Variants in WDR3 observed in about 807,000 individuals in gnomAD.
WDR3 encodes WD repeat-containing protein 3.
WDR3 carries 81 observed loss-of-function variants against 123.7 expected under a neutral mutation model. That is an observed-to-expected ratio of 0.65 (90% CI 0.55 to 0.79). The LOEUF is 0.79. WDR3 is among the 30% of genes least tolerant of loss of function. The probability of loss-of-function intolerance (pLI) is 0.00; values close to 1 mark genes in which losing one functional copy is unlikely to be tolerated. For missense variants in WDR3, 1,027 were observed against 1,123.2 expected, an observed-to-expected ratio of 0.91 and a Z score of 1.22; for synonymous variants, 390 against 388.8, an observed-to-expected ratio of 1.00 and a Z score of -0.04.
chr1:117,933,165 C>T (rs1417948194), intron 1 of WDR3, 123 bp from the exon 2 acceptor site: 4 of 745,208 alleles, frequency 5.4e-6, no homozygotes, highest in South Asian at 2.1e-5. Context: ...GATCCCACCA[C>T]TGCACTCCAG....
rs998187672 is a variant in WDR3, at chr1:117,958,788, G to A, written c.2583-122G>A. 6 of 414,574 alleles carry A rather than the reference G, an allele frequency of 1.4e-5. 1 individual carries two copies. Among genetic ancestry groups the A allele is most frequent in the Admixed American group, 4.6e-5 (1 of 21,584 alleles). The allele number at this position is 414,574 out of a possible 1,614,324, so 25.7% of individuals were successfully genotyped here. A position where few individuals can be genotyped will look rare whatever the true frequency, so the allele number is the denominator to read the frequency against. On this transcript the variant is annotated intron_variant, in intron 25 of 26. Coordinates refer to ENST00000349139, the MANE Select transcript of WDR3 (RefSeq NM_006784.3). ...TTGGCTTTTTTTTTTTTTTTTGCTC[G>A]AAACATTTCTATAATGTATATTTTG...
At chr1:117,943,697 G>C (rs1651266997) in intron 11 of WDR3, 71 bp downstream of exon 11, 2 of 1,385,556 alleles carry the variant, frequency 1.4e-6, no homozygotes, top group East Asian at 4.7e-5. Flanking sequence ...TACTCTTAAG[G>C]GTTAGTTATT....
intron 16 of WDR3, among the ~76,000 whole-genome samples, chr1:117,951,612 T>TAG (rs933739488): frequency 6.6e-6 from 1 of 151,790 alleles, no homozygotes; most frequent in African/African-American, 2.4e-5. Context: ...AACATTCTAG[T>TAG]AGAGTCTTTC....
At chr1:117,939,368 T>C (rs1651061101) in intron 5 of WDR3, 109 bp from the exon 6 acceptor site, 2 of 1,169,012 alleles carry the variant, frequency 1.7e-6, no homozygotes, top group Non-Finnish European at 2.5e-6. Context: ...TTCTTTGCCT[T>C]TAAATTGCTA....
At position 117,946,195 on chromosome 1, in the gene WDR3, T is replaced by C; in HGVS notation, c.1422+16T>C. 1 of 1,583,932 alleles carries C rather than the reference T, an allele frequency of 6.3e-7. No individual in the cohort carries two copies. Among genetic ancestry groups the C allele is most frequent in the South Asian group, 1.2e-5 (1 of 86,834 alleles). On this transcript the variant is annotated intron_variant, in intron 12 of 26. Transcript: ENST00000349139. ...AGGAACAAAGGTAAATGGAGACTTT[T>C]TCTGGGATATCTGGATCTTTTCTAC...
intron 5 of WDR3, 132 bp from the exon 6 acceptor site, chr1:117,939,345 G>C: frequency 1.2e-6 from 1 of 843,846 alleles, no homozygotes; most frequent in South Asian, 1.7e-5. Context: ...TGAAAGGGTT[G>C]TCGATATGCC....
rs748399138 is a variant in WDR3 at position 117,939,580 on chromosome 1, C to T, written c.675+8C>T. On this transcript the variant is annotated splice_region_variant and intron_variant, in intron 6 of 26. Transcript: ENST00000349139. ...ATAGCTTATCTGCAAGAGGTAATTA[C>T]TTCTTAAAATCATGGGCAATATGTT... The T allele has an allele frequency of 3.1e-6, 5 of 1,612,904 alleles. No individual in the cohort carries two copies. The highest frequency in any genetic ancestry group is 2.2e-5 in the South Asian group (2 of 91,058).
rs1177704818 is a variant in WDR3, at chr1:117,935,954, CAAAAG to C, written c.382-811_382-807del. Among the ~76,000 whole-genome samples the C allele has an allele frequency of 5.3e-5, 8 of 151,562 alleles. 1 individual carries two copies. Among genetic ancestry groups the C allele is most frequent in the Non-Finnish European group, 1.0e-4 (7 of 67,774 alleles). On this transcript the variant is annotated intron_variant, in intron 3 of 26. Transcript: ENST00000349139. ...GAGATGACACTCTAAGAATGATAGA[CAAAAG>C]AAAGTCATGAATTGGCAATTCAAAA...
In WDR3 at chr1:117,954,604, C is replaced by A; in HGVS notation, c.2386C>A (p.Leu796Ile). The A allele has an allele frequency of 6.2e-7, 1 of 1,612,530 alleles. No homozygotes were observed. The change falls in exon 23 of 27, where the codon CTA becomes ATA. Residue 796 changes from leucine to isoleucine, a missense_variant. Physicochemically the swap from Leu to Ile is conservative, Grantham distance 5. Coordinates refer to ENST00000349139, the MANE Select transcript of WDR3 (RefSeq NM_006784.3). ...GGTTCCACTTCCCAGCAACCCCATC[C>A]TAATGGCTTATGGCAGTATCTCAGT... ...KEVPLPSNPI[L>I]MAYGSISPSA...
intron 22 of WDR3, 97 bp downstream of exon 22, chr1:117,954,196 C>T: frequency 1.0e-6 from 1 of 988,958 alleles, no homozygotes; most frequent in South Asian, 1.7e-5. Context: ...TCAGGATATG[C>T]AATAAATGGA....
Position 117,961,291 on chromosome 1 carries a change from A to G in WDR3, c.*1844A>G, listed in dbSNP as rs1571061586. On this transcript the variant is annotated 3_prime_UTR_variant, in exon 27 of 27. Transcript: ENST00000349139. ...ACAGTGAGACTCCATCTCCAAAATA[A>G]TAATAGTAAAAAAAAATCTGTATAA... is the stretch of plus-strand genomic sequence containing the variant. 1 of 152,182 alleles carries G rather than the reference A, an allele frequency of 6.6e-6. No homozygotes were observed. The highest frequency in any genetic ancestry group is 1.5e-5 in the Non-Finnish European group (1 of 68,050). The allele number at this position is 152,182 out of a possible 1,614,324, so 9.4% of individuals were successfully genotyped here. A position where few individuals can be genotyped will look rare whatever the true frequency, so the allele number is the denominator to read the frequency against.
Position 117,958,999 on chromosome 1 carries a change from T to A in WDR3, c.2672T>A (p.Val891Asp). ...ACAACTATTTCAAAAGTCAGCCAAGTCCGGGTAAGTGTCTTTGTATAGAGA... is the reference window on the plus strand; with the variant it reads ...ACAACTATTTCAAAAGTCAGCCAAGACCGGGTAAGTGTCTTTGTATAGAGA... ...RETTISKVSQ[V>D]RDVIGFNMAG... is the part of the protein sequence containing the mutation. Residue 891 changes from valine to aspartate, a missense_variant, in exon 26 of 27, where the codon GTC becomes GAC. Val to Asp is a radical substitution (Grantham distance 152). Transcript: ENST00000349139. 1 of 1,613,698 alleles carries A rather than the reference T, an allele frequency of 6.2e-7. No individual in the cohort carries two copies. The highest frequency in any genetic ancestry group is 8.5e-7 in the Non-Finnish European group (1 of 1,179,724).
chr1:117,936,568 G>T (rs773141459), intron 3 of WDR3, among the ~76,000 whole-genome samples: 9 of 152,088 alleles, frequency 5.9e-5, no homozygotes, highest in Non-Finnish European at 1.2e-4. Flanking sequence ...ATAAAGACTA[G>T]AGCAATAACA....
rs1482916946 is a variant in WDR3, at chr1:117,959,093, A to G, written c.2676+90A>G. On this transcript the variant is annotated intron_variant, in intron 26 of 26. Transcript: ENST00000349139. ...AGTATGCTGTGCTTTGTCTTTAGCA[A>G]TACCCACCACCGATAAATCCATATT... 6 of 1,356,466 alleles carry G rather than the reference A, an allele frequency of 4.4e-6. No individual in the cohort carries two copies. The Admixed American group carries it at 5.9e-5, about 13-fold the overall frequency. 84.0% of individuals were successfully genotyped at this position (1,356,466 alleles called of 1,614,324 possible). A position where few individuals can be genotyped will look rare whatever the true frequency, so the allele number is the denominator to read the frequency against.
In WDR3 at chr1:117,948,507, G is replaced by C. The variant is rs372252854; in HGVS notation, c.1524+1G>C. ...GTCCATGTCCCTCTCTCCAGATCAG[G>C]TAACTAAACCAGATTTTAAAGCCCT... is the stretch of plus-strand genomic sequence containing the variant. On this transcript the variant is annotated splice_donor_variant, in intron 13 of 26. Coordinates refer to ENST00000349139, the MANE Select transcript of WDR3 (RefSeq NM_006784.3). LOFTEE classifies it high-confidence loss of function. 2 of 1,611,176 alleles carry C rather than the reference G, an allele frequency of 1.2e-6. No individual in the cohort carries two copies. Among genetic ancestry groups the C allele is most frequent in the African/African-American group, 1.3e-5 (1 of 74,744 alleles).
chr1:117,939,321 C>G (rs532107069), intron 5 of WDR3, among the ~76,000 whole-genome samples, 156 bp from the exon 6 acceptor site: 2 of 152,284 alleles, frequency 1.3e-5, no homozygotes, highest in African/African-American at 2.4e-5. Context: ...AGTGAGACTT[C>G]TCTTAGTGCA....
In WDR3 at chr1:117,952,587, A is replaced by G. The variant is rs1274356787; in HGVS notation, c.2076A>G (p.Ser692=). 1.2e-6 allele frequency: 2 copies of G among 1,613,638 alleles called. No individual in the cohort carries two copies. The highest frequency in any genetic ancestry group is 1.7e-6 in the Non-Finnish European group (2 of 1,179,656). The stretch of plus-strand genomic sequence containing the variant: ...GCCCCAGTGGAGACTATGTTGTATC[A>G]TCGTCCCATGACAAATCTCTGAGAC... ...AVSPSGDYVV[S]SSHDKSLRLW... Residue 692 remains serine (S), a synonymous_variant, in exon 19 of 27, where the codon TCA becomes TCG. Transcript: ENST00000349139.
chr1:117,931,396 T>G (rs1650729553), intron 1 of WDR3, among the ~76,000 whole-genome samples: 2 of 152,182 alleles, frequency 1.3e-5, no homozygotes, highest in Non-Finnish European at 2.9e-5. Context: ...ATAATAATAT[T>G]TTTTTATTAA....
At chr1:117,934,278 A>G (rs1650840997) in intron 2 of WDR3, among the ~76,000 whole-genome samples, 195 bp from the exon 3 acceptor site, 1 of 152,234 alleles carries the variant, frequency 6.6e-6, no homozygotes, top group Non-Finnish European at 1.5e-5. Flanking sequence ...CTTTTCTTAA[A>G]TGTTTCATTG....
Sources: allele counts gnomAD v4.1 joint callset (sites outside exome capture counted in the v4.1 genomes callset), GRCh38; gene constraint gnomAD v4.1.1; transcripts MANE v1.5; gene names NCBI Gene and HGNC (gene_info 2026-07-23, HGNC 2026-07-21).